The following SF3B4 variants were observed in gnomAD, a reference collection of about 807,000 sequenced individuals.
SF3B4 encodes the protein SAP 49.
SF3B4 carries 3 observed loss-of-function variants against 34.3 expected under a neutral mutation model. The ratio of observed to expected loss-of-function variants is 0.09; its 90% CI spans 0.04 to 0.23. The LOEUF is 0.23. SF3B4 is among the 10% of genes least tolerant of loss of function. The pLI is 1.00. For synonymous variants in SF3B4, 216 were observed against 207.8 expected (o/e 1.04, Z -0.34); for missense variants, 283 against 567.2 (o/e 0.50, Z 5.09).
intron 2 of SF3B4, 108 bp from the exon 3 acceptor site, chr1:149,927,026 T>A (rs1306464242): frequency 2.7e-6 from 4 of 1,456,564 alleles, no homozygotes; most frequent in Non-Finnish European, 3.7e-6. Flanking sequence ...ACAACATCAC[T>A]TTACTTAAGA....
chr1:149,927,323 C>G, intron 1 of SF3B4, 29 bp from the exon 2 acceptor site: 1 of 1,609,800 alleles, frequency 6.2e-7, no homozygotes, highest in South Asian at 1.1e-5. Context: ...AAAGAGCAAG[C>G]GTGAGAGTGT....
intron 5 of SF3B4, 38 bp downstream of exon 5, chr1:149,923,803 A>T (rs782234086): frequency 6.5e-7 from 1 of 1,546,708 alleles, no homozygotes; most frequent in Admixed American, 2.3e-5. Flanking sequence ...TAAGAACATG[A>T]TAAGTGCAGA....
At chr1:149,927,360 C>G in intron 1 of SF3B4, 66 bp from the exon 2 acceptor site, 3 of 1,588,504 alleles carry the variant, frequency 1.9e-6, no homozygotes, top group Non-Finnish European at 2.6e-6. Flanking sequence ...GTGATGGAAA[C>G]ATGAAGATGG....
rs1324978676 is a variant in SF3B4, at chr1:149,927,056, G to A, written c.163+110C>T. 1.1e-5 allele frequency: 16 copies of A among 1,493,580 alleles called. No homozygotes were observed. In the African/African-American group the frequency reaches 2.1e-4, roughly 20 times the overall value. 92.5% of individuals were successfully genotyped at this position (1,493,580 alleles called of 1,614,324 possible). ...TTAAGAATGGTTCCAGAAATAAACTGAAGAGAGGCTTAAAAGAAAAAAATC... is the reference window on the plus strand; with the variant it reads ...TTAAGAATGGTTCCAGAAATAAACTAAAGAGAGGCTTAAAAGAAAAAAATC... On this transcript the variant is annotated intron_variant, in intron 2 of 5. Transcript: ENST00000271628.
Position 149,925,056 on chromosome 1 carries a change from A to C in SF3B4, c.913+780T>G, listed in dbSNP as rs1486461446. 2.0e-5 allele frequency among the ~76,000 whole-genome samples: 3 copies of C among 152,230 alleles called. No individual in the cohort carries two copies. The East Asian group carries it at 5.8e-4, about 29-fold the overall frequency. ...CAAATTAAGTGTAAAATAATGAGGCAATGAGAGACTGAACTAGGGCACTGG... is the reference window on the plus strand; with the variant it reads ...CAAATTAAGTGTAAAATAATGAGGCCATGAGAGACTGAACTAGGGCACTGG... On this transcript the variant is annotated intron_variant, in intron 4 of 5. Transcript: ENST00000271628.
At chr1:149,927,420 A>C in intron 1 of SF3B4, 126 bp from the exon 2 acceptor site, 1 of 1,166,326 alleles carries the variant, frequency 8.6e-7, no homozygotes, top group African/African-American at 1.5e-5. Context: ...GAGCAAAAAA[A>C]AAAGTTTAAA....
intron 4 of SF3B4, chr1:149,925,559 T>A: frequency 1.4e-5 from 5 of 353,040 alleles, no homozygotes; most frequent in Non-Finnish European, 1.0e-5. Context: ...GATTTGGCAA[T>A]TAGGTCACCA....
In SF3B4 at chr1:149,923,836, C is replaced by G; in HGVS notation, c.1087+5G>C. ...AGATGAGGGAGGTGGCTAGAGCCGA[C>G]TTACCCATGGGAGATCCGAATGGAG... On this transcript the variant is annotated splice_donor_5th_base_variant and intron_variant, in intron 5 of 5. Transcript: ENST00000271628. 1 of 1,585,190 alleles carries G rather than the reference C, an allele frequency of 6.3e-7. No homozygotes were observed. Among genetic ancestry groups the G allele is most frequent in the Non-Finnish European group, 8.5e-7 (1 of 1,170,000 alleles).
In SF3B4 at chr1:149,926,479, G is replaced by C. The variant is rs139887401; in HGVS notation, c.603C>G (p.Leu201=). 85 of 1,614,244 alleles carry C rather than the reference G, an allele frequency of 5.3e-5. No individual in the cohort carries two copies. In the African/African-American group the frequency reaches 7.9e-4, roughly 15 times the overall value. The change falls in exon 3 of 6, where the codon CTC becomes CTG. Residue 201 remains leucine, a synonymous_variant. Coordinates refer to ENST00000271628, the MANE Select transcript of SF3B4 (RefSeq NM_005850.5). This position sits in a 1 kb window ranked among gnomAD's most constrained non-coding sequence, Gnocchi z 6.2. The part of the protein sequence containing the change: ...AERLLAAQNP[L]SQADRPHQLF... ...GCTGATGAGGGCGATCAGCCTGGGA[G>C]AGCGGGTTCTGAGCTGCCAGAAGTC...
chr1:149,925,070 C>A (rs1487058342), intron 4 of SF3B4, among the ~76,000 whole-genome samples: 10 of 152,176 alleles, frequency 6.6e-5, no homozygotes, highest in Admixed American at 2.6e-4. Context: ...AGAGACTGAA[C>A]TAGGGCACTG....
chr1:149,926,537 G>C lies in SF3B4; in HGVS notation c.545C>G (p.Ser182Cys). Residue 182 changes from serine to cysteine, a missense_variant, in exon 3 of 6, where the codon TCC becomes TGC. By Grantham distance (112) the Ser-to-Cys change is moderately radical. Transcript: ENST00000271628. This position sits in a 1 kb window ranked among gnomAD's most constrained non-coding sequence, Gnocchi z 6.2. Reference protein sequence around the residue: ...ITVSYAFKKDSKGERHGSAAE... With the variant: ...ITVSYAFKKDCKGERHGSAAE... ...TGCTGAGCCATGGCGCTCACCCTTG[G>C]AGTCCTTCTTGAAGGCATAAGATAC... The C allele has an allele frequency of 3.1e-6, 5 of 1,614,196 alleles. No individual in the cohort carries two copies. The highest frequency in any genetic ancestry group is 4.2e-6 in the Non-Finnish European group (5 of 1,180,038).
In SF3B4 at chr1:149,926,503, T is replaced by A; in HGVS notation, c.579A>T (p.Arg193=). ...KGERHGSAAE[R]LLAAQNPLSQ... is the part of the protein sequence containing the mutation. ...AGAGCGGGTTCTGAGCTGCCAGAAG[T>A]CGTTCGGCTGCTGAGCCATGGCGCT... Residue 193 remains arginine (R), a synonymous_variant, in exon 3 of 6, where the codon CGA becomes CGT. Coordinates refer to ENST00000271628, the MANE Select transcript of SF3B4 (RefSeq NM_005850.5). This position sits in a 1 kb window ranked among gnomAD's most constrained non-coding sequence, Gnocchi z 6.2. The A allele has an allele frequency of 1.2e-6, 2 of 1,614,154 alleles. No individual in the cohort carries two copies. The highest frequency in any genetic ancestry group is 2.2e-5 in the South Asian group (2 of 91,082).
chr1:149,923,869 G>A lies in SF3B4; in HGVS notation c.1059C>T (p.Pro353=), dbSNP rs1553765650. Residue 353 remains proline (P), a synonymous_variant, in exon 5 of 6, where the codon CCC becomes CCT. Transcript: ENST00000271628. The part of the protein sequence containing the change: ...HPGPPPMGMP[P]RGPPFGSPMG... ...TGGGAGATCCGAATGGAGGCCCTCG[G>A]GGGGGCATGCCCATTGGAGGAGGTC... 2 of 1,603,726 alleles carry A rather than the reference G, an allele frequency of 1.2e-6. No homozygotes were observed. Among genetic ancestry groups the A allele is most frequent in the Non-Finnish European group, 1.7e-6 (2 of 1,176,800 alleles).
rs1260222814 is a variant in SF3B4, at chr1:149,923,395, T to G, written c.*147A>C. 10 of 602,222 alleles carry G rather than the reference T, an allele frequency of 1.7e-5. No individual in the cohort carries two copies. The highest frequency in any genetic ancestry group is 2.8e-5 in the Non-Finnish European group (10 of 352,016). 37.3% of individuals were successfully genotyped at this position (602,222 alleles called of 1,614,324 possible). A position where few individuals can be genotyped will look rare whatever the true frequency, so the allele number is the denominator to read the frequency against. ...CAACATAAAAAAGAAATACCTCCTGTGGAAAAAGTTACATTAAAAAGGGGA... is the reference window on the plus strand; with the variant it reads ...CAACATAAAAAAGAAATACCTCCTGGGGAAAAAGTTACATTAAAAAGGGGA... On this transcript the variant is annotated 3_prime_UTR_variant, in exon 6 of 6. Transcript: ENST00000271628.
chr1:149,926,982 C>T lies in SF3B4; in HGVS notation c.164-64G>A. 2 of 1,479,098 alleles carry T rather than the reference C, an allele frequency of 1.4e-6. No individual in the cohort carries two copies. Among genetic ancestry groups the T allele is most frequent in the Non-Finnish European group, 9.1e-7 (1 of 1,096,398 alleles). The allele number at this position is 1,479,098 out of a possible 1,614,324, so 91.6% of individuals were successfully genotyped here. On this transcript the variant is annotated intron_variant, in intron 2 of 5. Transcript: ENST00000271628. The surrounding 1 kb of genome is among the most constrained non-coding windows in gnomAD (Gnocchi z 6.2). The stretch of plus-strand genomic sequence containing the variant: ...AAGAGACTGAAAATGGGGTAAAATT[C>T]ATCTACCCTCTAATCACAAAGAACA...
rs72692812 is a variant in SF3B4, at chr1:149,926,074, T to G, written c.707-32A>C. The G allele has an allele frequency of 0.063, 69,997 of 1,114,340 alleles. 2,655 individuals carry two copies. The highest frequency in any genetic ancestry group is 0.077 in the Non-Finnish European group (59,667 of 778,996). The allele number at this position is 1,114,340 out of a possible 1,614,324, so 69.0% of individuals were successfully genotyped here. On this transcript the variant is annotated intron_variant, in intron 3 of 5. Transcript: ENST00000271628. This position sits in a 1 kb window ranked among gnomAD's most constrained non-coding sequence, Gnocchi z 6.2. ...AGGAAATGGAAAAAGGAAGAGTTAA[T>G]GGTAGTGAGGAGAAAATGTCTTTAA... is the stretch of plus-strand genomic sequence containing the variant.
In SF3B4 at chr1:149,926,482, C is replaced by T. The variant is rs148753561; in HGVS notation, c.600G>A (p.Pro200=). ...GATGAGGGCGATCAGCCTGGGAGAG[C>T]GGGTTCTGAGCTGCCAGAAGTCGTT... ...AAERLLAAQN[P]LSQADRPHQL... The change falls in exon 3 of 6, where the codon CCG becomes CCA. Residue 200 remains proline, a synonymous_variant. Coordinates refer to ENST00000271628, the MANE Select transcript of SF3B4 (RefSeq NM_005850.5). This position sits in a 1 kb window ranked among gnomAD's most constrained non-coding sequence, Gnocchi z 6.2. 4.3e-6 allele frequency: 7 copies of T among 1,614,062 alleles called. No individual in the cohort carries two copies. The highest frequency in any genetic ancestry group is 1.6e-4 in the Middle Eastern group (1 of 6,084).
intron 4 of SF3B4, among the ~76,000 whole-genome samples, chr1:149,924,853 G>T (rs1553765763): frequency 2.0e-5 from 3 of 152,198 alleles, no homozygotes; most frequent in Non-Finnish European, 4.4e-5. Context: ...GCAGGGGCCA[G>T]ATCATAAAGA....
In SF3B4 at chr1:149,926,615, T is replaced by C; in HGVS notation, c.467A>G (p.Asp156Gly). ...FINFASFDAS[D>G]AAIEAMNGQY... ...CCCATTCATGGCTTCAATTGCTGCA[T>C]CCGAAGCATCAAATGAAGCAAAATT... The change falls in exon 3 of 6, where the codon GAT becomes GGT. Residue 156 changes from aspartate to glycine, a missense_variant. Asp to Gly is a moderately conservative substitution (Grantham distance 94). Transcript: ENST00000271628. This position sits in a 1 kb window ranked among gnomAD's most constrained non-coding sequence, Gnocchi z 6.2. 1 of 1,614,208 alleles carries C rather than the reference T, an allele frequency of 6.2e-7. No individual in the cohort carries two copies. Among genetic ancestry groups the C allele is most frequent in the Non-Finnish European group, 8.5e-7 (1 of 1,180,042 alleles).
Sources: allele counts gnomAD v4.1 joint callset (sites outside exome capture counted in the v4.1 genomes callset), GRCh38; gene constraint gnomAD v4.1.1; non-coding constraint Gnocchi (gnomAD v3.1); transcripts MANE v1.5; gene names NCBI Gene and HGNC (gene_info 2026-07-23, HGNC 2026-07-21).